The following ADAMTS9 variants were observed in gnomAD, a reference collection of about 807,000 sequenced individuals.
The protein encoded by ADAMTS9 is ADAM metallopeptidase with thrombospondin type 1 motif 9, also known as A disintegrin and metalloproteinase with thrombospondin motifs 9.
A neutral mutation model predicts 257.1 loss-of-function variants in ADAMTS9; 107 were observed. The observed-to-expected ratio is 0.42, with a 90% CI of 0.36 to 0.49. The LOEUF (loss-of-function observed/expected upper bound fraction) is 0.49, where lower values mean the gene tolerates loss of function less well. Among genes scored for constraint, ADAMTS9 ranks in the 20% least tolerant of loss-of-function variants. The probability of loss-of-function intolerance (pLI) is 0.03; values close to 1 mark genes in which losing one functional copy is unlikely to be tolerated. For synonymous variants in ADAMTS9, 982 were observed against 880.9 expected (o/e 1.11, Z -2.03); for missense variants, 2,353 against 2,469.1 (o/e 0.95, Z 1.00).
chr3:64,594,224 T>C, intron 28 of ADAMTS9, 34 bp downstream of exon 28: 1 of 1,586,562 alleles, frequency 6.3e-7, no homozygotes, highest in East Asian at 2.3e-5. Flanking sequence ...AATTAGATAG[T>C]TTGGTTAACA....
At chr3:64,567,051 A>T (rs947391730) in intron 29 of ADAMTS9, among the ~76,000 whole-genome samples, 3 of 152,160 alleles carry the variant, frequency 2.0e-5, no homozygotes, top group Middle Eastern at 3.2e-3. Context: ...ATGTTTCATT[A>T]TGATAAAGGC....
chr3:64,572,542 A>G (rs1219430561), intron 28 of ADAMTS9, among the ~76,000 whole-genome samples: 1 of 152,172 alleles, frequency 6.6e-6, no homozygotes, highest in Non-Finnish European at 1.5e-5. Context: ...GAAGCCAGAA[A>G]ACAGCCCTGG....
At chr3:64,639,497 G>A (rs1700586887) in intron 12 of ADAMTS9, among the ~76,000 whole-genome samples, 1 of 151,564 alleles carries the variant, frequency 6.6e-6, no homozygotes, top group Non-Finnish European at 1.5e-5. Context: ...TTCCAATTAC[G>A]GAGTGATTTA....
intron 30 of ADAMTS9, among the ~76,000 whole-genome samples, chr3:64,559,279 A>G (rs750300629): frequency 6.6e-6 from 1 of 152,096 alleles, no homozygotes; most frequent in Non-Finnish European, 1.5e-5. Context: ...TGTATGGGAA[A>G]CATGAAGACT....
At chr3:64,569,221 C>G (rs1468760321) in intron 28 of ADAMTS9, 1 of 152,204 alleles carries the variant, frequency 6.6e-6, no homozygotes, top group Non-Finnish European at 1.5e-5. Flanking sequence ...GTTTAGGAAT[C>G]AAAGTGCCCA....
chr3:64,660,344 G>A (rs1049022323), intron 3 of ADAMTS9, among the ~76,000 whole-genome samples: 1 of 152,192 alleles, frequency 6.6e-6, no homozygotes, highest in African/African-American at 2.4e-5. Flanking sequence ...ATTGCTAAAA[G>A]AATCAGTTTA....
chr3:64,643,303 A>G (rs1700703034), intron 11 of ADAMTS9, among the ~76,000 whole-genome samples: 1 of 152,194 alleles, frequency 6.6e-6, no homozygotes, highest in African/African-American at 2.4e-5. Flanking sequence ...TAGACACAGA[A>G]CATGAACCAC....
intron 28 of ADAMTS9, among the ~76,000 whole-genome samples, chr3:64,574,890 C>A (rs769812446): frequency 1.3e-5 from 2 of 152,166 alleles, no homozygotes; most frequent in African/African-American, 4.8e-5. Flanking sequence ...TTTAGAGTTG[C>A]CTGATTCCTC....
In ADAMTS9 at chr3:64,651,156, T is replaced by A; in HGVS notation, c.1324A>T (p.Met442Leu). The A allele has an allele frequency of 6.3e-7, 1 of 1,578,106 alleles. No individual in the cohort carries two copies. The highest frequency in any genetic ancestry group is 8.6e-7 in the Non-Finnish European group (1 of 1,167,392). Reference protein sequence around the residue: ...IAHELGHVFNMPHDDNNKCKE... With the variant: ...IAHELGHVFNLPHDDNNKCKE... ...CATTTGTTGTTGTCATCATGAGGCA[T>A]GTTAAACCTAAAGCCAATGAGACAA... The change falls in exon 9 of 40, where the codon ATG (methionine) becomes TTG (leucine). Residue 442 changes from methionine to leucine, a missense_variant. By Grantham distance (15) the Met-to-Leu change is conservative (BLOSUM62 2). Coordinates refer to ENST00000498707, the MANE Select transcript of ADAMTS9 (RefSeq NM_182920.2).
At chr3:64,529,892 C>T (rs1374383235) in intron 38 of ADAMTS9, among the ~76,000 whole-genome samples, 1 of 151,870 alleles carries the variant, frequency 6.6e-6, no homozygotes, top group Non-Finnish European at 1.5e-5. Flanking sequence ...AATAATGGCT[C>T]ATTGCAGCCT....
At chr3:64,602,301 C>A (rs2106810242) in intron 25 of ADAMTS9, 88 bp from the exon 26 acceptor site, 4 of 1,495,078 alleles carry the variant, frequency 2.7e-6, no homozygotes, top group South Asian at 1.3e-5. Context: ...AAATGGCCCA[C>A]CACTTTCCCA....
chr3:64,648,892 C>T (rs754594217), intron 10 of ADAMTS9, among the ~76,000 whole-genome samples: 1 of 152,052 alleles, frequency 6.6e-6, no homozygotes, highest in Non-Finnish European at 1.5e-5. Flanking sequence ...ACAAATATTG[C>T]CATGAATCAA....
intron 37 of ADAMTS9, among the ~76,000 whole-genome samples, chr3:64,535,070 T>C (rs1328698507): frequency 6.6e-6 from 1 of 152,104 alleles, no homozygotes; most frequent in Non-Finnish European, 1.5e-5. Flanking sequence ...TGGCAGACAG[T>C]AGGTAATATT....
At chr3:64,611,972 C>T (rs1158392222) in intron 22 of ADAMTS9, among the ~76,000 whole-genome samples, 2 of 152,070 alleles carry the variant, frequency 1.3e-5, no homozygotes, top group Non-Finnish European at 2.9e-5. Flanking sequence ...AGTTTCATTT[C>T]CATTAAAACA....
intron 37 of ADAMTS9, among the ~76,000 whole-genome samples, chr3:64,534,838 C>T (rs368181960): frequency 4.6e-5 from 7 of 152,202 alleles, no homozygotes; most frequent in East Asian, 1.9e-4. Flanking sequence ...GATGCTGCTG[C>T]GATGCACAGG....
intron 29 of ADAMTS9, among the ~76,000 whole-genome samples, chr3:64,566,226 TA>T (rs1307379356): frequency 2.0e-5 from 3 of 152,198 alleles, no homozygotes; most frequent in African/African-American, 7.2e-5. Context: ...AGGAAGCCAA[TA>T]ATCTTTAATC....
intron 28 of ADAMTS9, 71 bp downstream of exon 28, chr3:64,594,187 A>G: frequency 6.7e-7 from 1 of 1,502,234 alleles, no homozygotes; most frequent in Non-Finnish European, 9.0e-7. Flanking sequence ...ATTATCTGCC[A>G]CAGAGGAGTG....
At position 64,686,802 on chromosome 3, in the gene ADAMTS9, G is replaced by A. The variant is rs990697554; in HGVS notation, c.282C>T (p.Thr94=). The change falls in exon 2 of 40, where the codon ACC becomes ACT. Residue 94 remains threonine (T), a synonymous_variant. Transcript: ENST00000498707. This position sits in a 1 kb window ranked among gnomAD's most constrained non-coding sequence, Gnocchi z 4.6. ...AGAGGCGGTAATGCGCCTGGGAGGA[G>A]GTAGAGGAGGAAGAGGAGGAGGCGA... ...PAFASSSSSS[T]SSQAHYRLSA... is the part of the protein sequence containing the mutation. 1.2e-6 allele frequency: 2 copies of A among 1,613,966 alleles called. No individual in the cohort carries two copies. The highest frequency in any genetic ancestry group is 1.3e-5 in the African/African-American group (1 of 74,914).
rs1288531360 is a variant in ADAMTS9, at chr3:64,541,102, C to A, written c.5514G>T (p.Gln1838His). 1.2e-6 allele frequency: 2 copies of A among 1,613,878 alleles called. No individual in the cohort carries two copies. The highest frequency in any genetic ancestry group is 1.7e-6 in the Non-Finnish European group (2 of 1,179,888). The change falls in exon 36 of 40, where the codon CAG (glutamine) becomes CAT (histidine). Residue 1838 changes from glutamine to histidine, a missense_variant. By Grantham distance (24) the Gln-to-His change is conservative. This residue lies in a region of ADAMTS9 where 1,402 missense variants were observed against 1,441.4 expected (regional missense o/e 0.97). Transcript: ENST00000498707. ...QKIRIDLTSM[Q>H]IITTDLQFAR... ...GACTCCTCACTAACTTACTGATTAT[C>A]TGCATGCTGGTCAGGTCTATTCTGA...
Sources: gnomAD v4.1 joint callset for allele counts (sites outside exome capture counted in the v4.1 genomes callset) on GRCh38, gnomAD v4.1.1 for gene constraint, gnomAD v4.1.1 regional missense constraint, Gnocchi (gnomAD v3.1) non-coding constraint, MANE v1.5 for transcripts, NCBI Gene and HGNC (gene_info 2026-07-23, HGNC 2026-07-21) for gene names.